The following JPH2 variants were observed in gnomAD, a reference collection of about 807,000 sequenced individuals.
JPH2 encodes the protein junctophilin 2, also known as junctophilin-2.
In JPH2, 38 loss-of-function variants were observed where a neutral mutation model predicts 55.9. The observed-to-expected ratio is 0.68, with a 90% confidence interval of 0.52 to 0.89. JPH2 has a LOEUF of 0.89. JPH2 is among the 40% of genes least tolerant of loss of function. The pLI is 0.00. For missense variants in JPH2, 964 were observed against 1,037.6 expected, an observed-to-expected ratio of 0.93 and a Z score of 0.97; for synonymous variants, 480 against 472.4, an observed-to-expected ratio of 1.02 and a Z score of -0.21.
chr20:44,127,901 G>A (rs935089597), intron 2 of JPH2, among the ~76,000 whole-genome samples: 7 of 152,124 alleles, frequency 4.6e-5, no homozygotes, highest in East Asian at 1.9e-4. Flanking sequence ...TGTGCTTCAC[G>A]GCTGCTTGTA....
At chr20:44,114,993 T>G in intron 4 of JPH2, 117 bp from the exon 5 acceptor site, 1 of 782,706 alleles carries the variant, frequency 1.3e-6, no homozygotes, top group Non-Finnish European at 2.2e-6. Flanking sequence ...CTAAGAGCAT[T>G]GCCGGCTTTG....
chr20:44,144,873 T>C (rs577554270), intron 2 of JPH2, among the ~76,000 whole-genome samples: 1 of 152,322 alleles, frequency 6.6e-6, no homozygotes, highest in East Asian at 1.9e-4. Context: ...GCCCTGTCCA[T>C]GCCAGGCACT....
chr20:44,148,597 C>A (rs2867796), intron 2 of JPH2, among the ~76,000 whole-genome samples: 1 of 152,092 alleles, frequency 6.6e-6, no homozygotes, highest in Non-Finnish European at 1.5e-5. Context: ...GAAGGCGACC[C>A]GAGCTGCCGC....
rs1422633488 is a variant in JPH2 at position 44,186,394 on chromosome 20, G to A, written c.312C>T (p.Ala104=). The A allele has an allele frequency of 6.2e-7, 1 of 1,613,542 alleles. No homozygotes were observed. ...YGIRQSSSSG[A]KYEGTWNNGL... ...CATTGTTCCAGGTGCCCTCATACTT[G>A]GCACCGCTGCTTGAGCTCTGCCGGA... The change falls in exon 1 of 6, where the codon GCC becomes GCT. Residue 104 remains alanine (A), a synonymous_variant. Transcript: ENST00000372980.
In JPH2 at chr20:44,108,447, G is replaced by A. The variant is rs998723724; in HGVS notation, c.*5071C>T. ...AGTATGAACTGATGGTGGCCCTGGA[G>A]ATCCCCAAACTTGTATCTGGGGTCT... is the stretch of plus-strand genomic sequence containing the variant. On this transcript the variant is annotated 3_prime_UTR_variant, in exon 6 of 6. Coordinates refer to ENST00000372980, the MANE Select transcript of JPH2 (RefSeq NM_020433.5). Among the ~76,000 whole-genome samples, 1 of 152,058 alleles carries A rather than the reference G, an allele frequency of 6.6e-6. No individual in the cohort carries two copies. The highest frequency in any genetic ancestry group is 1.5e-5 in the Non-Finnish European group (1 of 68,024).
At chr20:44,171,863 C>T (rs1569217034) in intron 1 of JPH2, among the ~76,000 whole-genome samples, 1 of 152,224 alleles carries the variant, frequency 6.6e-6, no homozygotes, top group Admixed American at 6.5e-5. Flanking sequence ...ATGCCGGTCT[C>T]TGCTGTTAAG....
chr20:44,129,096 G>T (rs6103639), intron 2 of JPH2, among the ~76,000 whole-genome samples: 44,806 of 151,878 alleles, frequency 0.3, 6,733 homozygotes, highest in East Asian at 0.46. Context: ...TGGTGTTGGG[G>T]ATTCTGAGGT....
chr20:44,138,031 G>A (rs541992631), intron 2 of JPH2, among the ~76,000 whole-genome samples: 5 of 147,336 alleles, frequency 3.4e-5, no homozygotes, highest in Admixed American at 1.3e-4. Context: ...TTTTTGAGAC[G>A]GAGTCTTGCC....
In JPH2 at chr20:44,108,315, A is replaced by G. The variant is rs1353539121; in HGVS notation, c.*5203T>C. On this transcript the variant is annotated 3_prime_UTR_variant, in exon 6 of 6. Transcript: ENST00000372980. ...GTTCTGATTCGCATTCTTTGCTTGT[A>G]ATCAATGTGACTTGAGTAGAATAGC... 6.6e-6 allele frequency among the ~76,000 whole-genome samples: 1 copy of G among 152,146 alleles called. No individual in the cohort carries two copies. The highest frequency in any genetic ancestry group is 1.9e-4 in the East Asian group (1 of 5,186).
rs761422442 is a variant in JPH2, at chr20:44,185,460, C to CAA, written c.379+865_379+866dup. On this transcript the variant is annotated intron_variant, in intron 1 of 5. Coordinates refer to ENST00000372980, the MANE Select transcript of JPH2 (RefSeq NM_020433.5). ...GCAATATGGAAAAGCCCTGTCTCTA[C>CAA]AAAAAAAAAAATAATAATACAAAAA... Among the ~76,000 whole-genome samples the CAA allele has an allele frequency of 2.8e-4, 13 of 45,760 alleles. No homozygotes were observed. In the South Asian group the frequency reaches 6.7e-3, roughly 24 times the overall value. 30.0% of individuals were successfully genotyped at this position (45,760 alleles called of 152,430 possible).
intron 2 of JPH2, among the ~76,000 whole-genome samples, chr20:44,127,252 T>C (rs1429930190): frequency 3.9e-5 from 6 of 152,238 alleles, no homozygotes; most frequent in Non-Finnish European, 1.5e-5. Context: ...TTACTATGAA[T>C]AATGCTGCTA....
At chr20:44,124,127 T>C (rs1416231828) in intron 2 of JPH2, among the ~76,000 whole-genome samples, 20 of 152,098 alleles carry the variant, frequency 1.3e-4, no homozygotes, top group Non-Finnish European at 1.3e-4. Flanking sequence ...GGGTTAAAAA[T>C]AAGGCTGGTG....
Position 44,114,861 on chromosome 20 carries a change from G to A in JPH2, c.2026C>T (p.Leu676Phe), listed in dbSNP as rs1370848011. ...TTCAGCAGGATCACCATGCAGATGA[G>A]GATGGTGTTGGGGACCTGGGAGCAG... ...VEVEEVPNTI[L>F]ICMVILLNIG... is the part of the protein sequence containing the mutation. Residue 676 changes from leucine to phenylalanine, a missense_variant, in exon 5 of 6, where the codon CTC becomes TTC. Leu to Phe is a conservative substitution (Grantham distance 22). Coordinates refer to ENST00000372980, the MANE Select transcript of JPH2 (RefSeq NM_020433.5). 6.2e-7 allele frequency: 1 copy of A among 1,604,312 alleles called. No homozygotes were observed. The highest frequency in any genetic ancestry group is 8.5e-7 in the Non-Finnish European group (1 of 1,176,188).
intron 1 of JPH2, among the ~76,000 whole-genome samples, chr20:44,169,095 C>T (rs2072678181): frequency 6.6e-6 from 1 of 152,112 alleles, no homozygotes; most frequent in Non-Finnish European, 1.5e-5. Context: ...GAGGTAGATG[C>T]TCCACCTTGA....
chr20:44,109,671 A>G lies in JPH2; in HGVS notation c.*3847T>C, dbSNP rs1228346837. Among the ~76,000 whole-genome samples the G allele has an allele frequency of 1.3e-5, 2 of 152,208 alleles. No homozygotes were observed. Among genetic ancestry groups the G allele is most frequent in the Admixed American group, 6.5e-5 (1 of 15,284 alleles). On this transcript the variant is annotated 3_prime_UTR_variant, in exon 6 of 6. Coordinates refer to ENST00000372980, the MANE Select transcript of JPH2 (RefSeq NM_020433.5). ...CTATTTTAATTTCAGCATACATGCA[A>G]GTTTTATGTTTTACAGTTTAGGTAT...
intron 2 of JPH2, among the ~76,000 whole-genome samples, chr20:44,138,043 T>C (rs951904048): frequency 2.2e-4 from 33 of 150,256 alleles, no homozygotes; most frequent in African/African-American, 7.8e-4. Context: ...AGTCTTGCCC[T>C]ATCACCCAGG....
chr20:44,133,420 GTAT>G (rs1373340041), intron 2 of JPH2, among the ~76,000 whole-genome samples: 1 of 152,044 alleles, frequency 6.6e-6, no homozygotes, highest in Non-Finnish European at 1.5e-5. Flanking sequence ...TAGCAGGCAG[GTAT>G]TATTATGTCC....
rs899891263 is a variant in JPH2 at position 44,116,315 on chromosome 20, C to G, written c.1360G>C (p.Asp454His). 3.2e-6 allele frequency: 5 copies of G among 1,543,392 alleles called. No individual in the cohort carries two copies. Among genetic ancestry groups the G allele is most frequent in the Non-Finnish European group, 4.4e-6 (5 of 1,145,940 alleles). Residue 454 changes from aspartate (D) to histidine (H), a missense_variant, in exon 4 of 6, where the codon GAC becomes CAC. Asp to His is a moderately conservative substitution (Grantham distance 81). Transcript: ENST00000372980. ...AGGCCCGCTGCGCCGGCGCCCCGGT[C>G]GGGGGGCTCCAGCAGGCTCTCCGAG... ...ENSESLLEPP[D>H]RGAGAAGLPQ...
At chr20:44,184,140 G>C (rs529977515) in intron 1 of JPH2, among the ~76,000 whole-genome samples, 26 of 152,310 alleles carry the variant, frequency 1.7e-4, no homozygotes, top group South Asian at 4.1e-4. Flanking sequence ...CTGGGCGACA[G>C]AGTAAGACCC....
Sources: gnomAD v4.1 joint callset for allele counts (sites outside exome capture counted in the v4.1 genomes callset) on GRCh38, gnomAD v4.1.1 for gene constraint, MANE v1.5 for transcripts, NCBI Gene and HGNC (gene_info 2026-07-23, HGNC 2026-07-21) for gene names.